CEMIP: variants seen among roughly 807,000 people sequenced by gnomAD.
CEMIP encodes cell migration inducing hyaluronidase 1, also known as cell migration-inducing and hyaluronan-binding protein.
CEMIP carries 105 observed loss-of-function variants against 156.9 expected under a neutral mutation model. The observed-to-expected ratio is 0.67, with a 90% CI of 0.57 to 0.79. The LOEUF is 0.79. CEMIP is among the 30% of genes least tolerant of loss of function. The pLI is 0.00. For synonymous variants in CEMIP, 676 were observed against 668.4 expected (o/e 1.01, Z -0.17); for missense variants, 1,457 against 1,769.4 (o/e 0.82, Z 3.17).
chr15:80,864,387 C>T (rs909631824), intron 1 of CEMIP, among the ~76,000 whole-genome samples: 2 of 152,162 alleles, frequency 1.3e-5, no homozygotes, highest in African/African-American at 2.4e-5. Context: ...GCAGTTCTAC[C>T]AATTTATTCG....
intron 12 of CEMIP, among the ~76,000 whole-genome samples, chr15:80,902,697 C>T (rs1473359075): frequency 6.6e-6 from 1 of 152,158 alleles, no homozygotes; most frequent in African/African-American, 2.4e-5. Context: ...AGTGCCTCCA[C>T]CTACCTGACA....
intron 14 of CEMIP, among the ~76,000 whole-genome samples, chr15:80,914,477 C>T (rs2141906288): frequency 6.6e-6 from 1 of 152,322 alleles, no homozygotes; most frequent in Admixed American, 6.5e-5. Context: ...CCCTGCACTG[C>T]TCCAGGGGTG....
intron 1 of CEMIP, among the ~76,000 whole-genome samples, chr15:80,809,432 A>T (rs1433525931): frequency 6.6e-6 from 1 of 152,246 alleles, no homozygotes; most frequent in Non-Finnish European, 1.5e-5. Flanking sequence ...TCTTCAATCA[A>T]CTAGAAGAAA....
chr15:80,812,196 C>G (rs73497059), intron 1 of CEMIP, among the ~76,000 whole-genome samples: 2,771 of 152,192 alleles, frequency 0.018, 76 homozygotes, highest in African/African-American at 0.064. Flanking sequence ...TGTTTTAACC[C>G]GAGTTGTTTG....
chr15:80,949,378 C>T lies in CEMIP; in HGVS notation c.*454C>T. On this transcript the variant is annotated 3_prime_UTR_variant, in exon 30 of 30. Coordinates refer to ENST00000394685, the MANE Select transcript of CEMIP (RefSeq NM_001293298.2). ...GTAAATGTAGGAGAAAGAGCCTTGG[C>T]CTTAAGGAAATCTTTACTCCTGTAA... The T allele has an allele frequency of 3.7e-6, 1 of 267,612 alleles. No individual in the cohort carries two copies. Among genetic ancestry groups the T allele is most frequent in the Non-Finnish European group, 7.4e-6 (1 of 135,356 alleles). The allele number at this position is 267,612 out of a possible 1,614,324, so 16.6% of individuals were successfully genotyped here. A position where few individuals can be genotyped will look rare whatever the true frequency, so the allele number is the denominator to read the frequency against.
At chr15:80,796,708 A>T (rs1237972077) in intron 1 of CEMIP, among the ~76,000 whole-genome samples, 1 of 151,892 alleles carries the variant, frequency 6.6e-6, no homozygotes, top group Non-Finnish European at 1.5e-5. Flanking sequence ...ACGTTTATTA[A>T]TCAACCACTC....
chr15:80,927,289 G>A (rs1398133069), intron 19 of CEMIP, among the ~76,000 whole-genome samples: 2 of 152,172 alleles, frequency 1.3e-5, no homozygotes, highest in East Asian at 3.9e-4. Flanking sequence ...GCATGAAGCA[G>A]GTTTCAGCTC....
At chr15:80,848,480 C>T (rs1205152842) in intron 1 of CEMIP, among the ~76,000 whole-genome samples, 1 of 152,176 alleles carries the variant, frequency 6.6e-6, no homozygotes, top group East Asian at 1.9e-4. Flanking sequence ...CTTCAGCAGG[C>T]CAAGTCCCAA....
intron 25 of CEMIP, among the ~76,000 whole-genome samples, chr15:80,939,902 T>C (rs1901275959): frequency 6.6e-6 from 1 of 152,212 alleles, no homozygotes; most frequent in African/African-American, 2.4e-5. Context: ...CTTGCTATAA[T>C]TAGGGGTAAA....
chr15:80,931,739 G>T, intron 21 of CEMIP, 120 bp from the exon 22 acceptor site: 3 of 940,596 alleles, frequency 3.2e-6, no homozygotes, highest in Admixed American at 3.6e-5. Context: ...TACCCAGGAA[G>T]TCTCTGCTAC....
intron 1 of CEMIP, among the ~76,000 whole-genome samples, chr15:80,872,851 A>T (rs1898342670): frequency 6.6e-6 from 1 of 152,170 alleles, no homozygotes; most frequent in Non-Finnish European, 1.5e-5. Context: ...AAATAGCTTA[A>T]TTCTGTCTCA....
chr15:80,839,957 A>G (rs1897359063), intron 1 of CEMIP, among the ~76,000 whole-genome samples: 1 of 152,232 alleles, frequency 6.6e-6, no homozygotes, highest in South Asian at 2.1e-4. Flanking sequence ...GTAAAAATGA[A>G]GAAGTGACAA....
chr15:80,895,130 G>A lies in CEMIP; in HGVS notation c.1219+8G>A. 1 of 1,614,154 alleles carries A rather than the reference G, an allele frequency of 6.2e-7. No individual in the cohort carries two copies. Among genetic ancestry groups the A allele is most frequent in the Admixed American group, 1.7e-5 (1 of 60,024 alleles). ...TCCTCTGTGGGAAGCCTGGTAAGCAGCCCCTTGTCGGGGACACAGATGCAA... is the reference window on the plus strand; with the variant it reads ...TCCTCTGTGGGAAGCCTGGTAAGCAACCCCTTGTCGGGGACACAGATGCAA... On this transcript the variant is annotated splice_region_variant and intron_variant, in intron 11 of 29. Coordinates refer to ENST00000394685, the MANE Select transcript of CEMIP (RefSeq NM_001293298.2).
At position 80,884,301 on chromosome 15, in the gene CEMIP, C is replaced by T; in HGVS notation, c.744C>T (p.Ala248=). The T allele has an allele frequency of 2.5e-6, 4 of 1,614,190 alleles. No homozygotes were observed. Among genetic ancestry groups the T allele is most frequent in the Non-Finnish European group, 3.4e-6 (4 of 1,180,032 alleles). The change falls in exon 7 of 30, where the codon GCC becomes GCT. Residue 248 remains alanine (A), a synonymous_variant. Transcript: ENST00000394685. ...DEGSRNLDDM[A]RKAMTKLGSK... ...GTTCTCGAAATCTGGATGACATGGC[C>T]AGGAAGGCGATGACCAAATTGGGAA...
At chr15:80,895,494 C>A (rs1373182268) in intron 11 of CEMIP, among the ~76,000 whole-genome samples, 1 of 152,050 alleles carries the variant, frequency 6.6e-6, no homozygotes, top group African/African-American at 2.4e-5. Flanking sequence ...ACTTGGCCAT[C>A]TCCAGAAGGC....
At chr15:80,907,379 A>G (rs562762150) in intron 13 of CEMIP, among the ~76,000 whole-genome samples, 1 of 152,354 alleles carries the variant, frequency 6.6e-6, no homozygotes, top group African/African-American at 2.4e-5. Context: ...CCTGGCCACC[A>G]TGGTGAAACC....
At chr15:80,901,076 G>A (rs1234844794) in intron 12 of CEMIP, 2 of 410,484 alleles carry the variant, frequency 4.9e-6, no homozygotes, top group Non-Finnish European at 9.9e-6. Context: ...TCACAGTGTG[G>A]CAGTTGGAAC....
rs115508405 is a variant in CEMIP, at chr15:80,891,280, T to C, written c.1086+1688T>C. Reference sequence around the variant, plus strand: ...CCAGGAAAACAGCATTCCTTAGACATTCCCCACTCTTGCATTTACTTTGCT... The same window carrying C: ...CCAGGAAAACAGCATTCCTTAGACACTCCCCACTCTTGCATTTACTTTGCT... On this transcript the variant is annotated intron_variant, in intron 10 of 29. Coordinates refer to ENST00000394685, the MANE Select transcript of CEMIP (RefSeq NM_001293298.2). Among the ~76,000 whole-genome samples the C allele has an allele frequency of 1.2e-3, 185 of 152,306 alleles. 1 individual carries two copies. The highest frequency in any genetic ancestry group is 4.2e-3 in the African/African-American group (174 of 41,554).
At chr15:80,882,388 A>G (rs1205450700) in intron 6 of CEMIP, among the ~76,000 whole-genome samples, 1 of 152,232 alleles carries the variant, frequency 6.6e-6, no homozygotes, top group African/African-American at 2.4e-5. Context: ...ACAAGGTTGG[A>G]AAGTGTTGGA....
Sources: gnomAD v4.1 joint callset for allele counts (sites outside exome capture counted in the v4.1 genomes callset) on GRCh38, gnomAD v4.1.1 for gene constraint, MANE v1.5 for transcripts, NCBI Gene and HGNC (gene_info 2026-07-23, HGNC 2026-07-21) for gene names.